ASPH: variants seen among roughly 807,000 people sequenced by gnomAD.
The protein encoded by ASPH is aspartate beta-hydroxylase.
In ASPH, 100 loss-of-function variants were observed where a neutral mutation model predicts 118.4. That is an observed-to-expected ratio of 0.84 (90% CI 0.72 to 1.00). The LOEUF is 1.00. ASPH is among the 50% of genes least tolerant of loss of function. The pLI is 0.00. For synonymous variants in ASPH, 315 were observed against 325.6 expected (o/e 0.97, Z 0.35); for missense variants, 920 against 919.5 (o/e 1.00, Z -0.01).
rs1248317915 is a variant in ASPH at position 61,646,758 on chromosome 8, G to A, written c.611C>T (p.Ser204Phe). Reference protein sequence around the residue: ...DRFETLEPEVSHEETEHSYHV... With the variant: ...DRFETLEPEVFHEETEHSYHV... ...AAAAAAAAGTGTTCTACCTTCATGA[G>A]ATACTTCAGGTTCCAGGGTCTCAAA... is the stretch of plus-strand genomic sequence containing the variant. The change falls in exon 6 of 25, where the codon TCT (serine) becomes TTT (phenylalanine). Residue 204 changes from serine (S) to phenylalanine (F), a missense_variant. Physicochemically the swap from Ser to Phe is radical, Grantham distance 155. Transcript: ENST00000379454. 3 of 1,612,692 alleles carry A rather than the reference G, an allele frequency of 1.9e-6. No homozygotes were observed. The highest frequency in any genetic ancestry group is 3.3e-5 in the Admixed American group (2 of 59,892).
intron 14 of ASPH, among the ~76,000 whole-genome samples, chr8:61,586,574 G>A (rs972325460): frequency 6.6e-6 from 1 of 152,076 alleles, no homozygotes; most frequent in Non-Finnish European, 1.5e-5. Flanking sequence ...TGCGCCAGTC[G>A]CCCGGCCACA....
chr8:61,599,895 T>C (rs1273451900), intron 14 of ASPH, among the ~76,000 whole-genome samples: 1 of 152,226 alleles, frequency 6.6e-6, no homozygotes, highest in Non-Finnish European at 1.5e-5. Context: ...GAATTCTTCC[T>C]AGCTCATTCT....
At chr8:61,564,253 C>T (rs977365852) in intron 17 of ASPH, among the ~76,000 whole-genome samples, 2 of 151,240 alleles carry the variant, frequency 1.3e-5, no homozygotes, top group African/African-American at 4.9e-5. Context: ...TAAGCAGAGC[C>T]ATAGTGGAGA....
At chr8:61,649,408 T>C (rs1223171889) in intron 5 of ASPH, among the ~76,000 whole-genome samples, 1 of 151,956 alleles carries the variant, frequency 6.6e-6, no homozygotes, top group Non-Finnish European at 1.5e-5. Context: ...TCTTTAAGTC[T>C]GAAACACCCA....
At chr8:61,595,374 T>A (rs1241003638) in intron 14 of ASPH, among the ~76,000 whole-genome samples, 1 of 152,180 alleles carries the variant, frequency 6.6e-6, no homozygotes, top group Non-Finnish European at 1.5e-5. Flanking sequence ...CATGTTTCAA[T>A]GGGAGGTTTC....
intron 9 of ASPH, 52 bp downstream of exon 9, chr8:61,643,334 T>A: frequency 6.5e-7 from 1 of 1,548,806 alleles, no homozygotes; most frequent in East Asian, 2.3e-5. Context: ...CAGCATGTGA[T>A]TGAAAAATCT....
chr8:61,550,809 G>A (rs1255227581), intron 20 of ASPH, among the ~76,000 whole-genome samples: 2 of 152,204 alleles, frequency 1.3e-5, no homozygotes, highest in Non-Finnish European at 2.9e-5. Context: ...CATTGAGGAC[G>A]CAGTTGACAA....
chr8:61,682,667 G>A (rs1828705582), intron 2 of ASPH, among the ~76,000 whole-genome samples: 1 of 152,060 alleles, frequency 6.6e-6, no homozygotes, highest in Non-Finnish European at 1.5e-5. Context: ...TCTATCCAGA[G>A]ACACTTTCTT....
rs377373085 is a variant in ASPH at position 61,646,881 on chromosome 8, A to G, written c.491-3T>C. ...TTGTTGCAAGTCTTCTCCCTCAACT[A>G]TGACAATGAACAAAGTGACACTGGC... On this transcript the variant is annotated splice_polypyrimidine_tract_variant and splice_region_variant and intron_variant, in intron 5 of 24. Transcript: ENST00000379454. The G allele has an allele frequency of 6.8e-6, 11 of 1,613,650 alleles. No homozygotes were observed. The African/African-American group carries it at 1.5e-4, about 22-fold the overall frequency.
At chr8:61,524,682 T>C (rs1193274765) in intron 22 of ASPH, among the ~76,000 whole-genome samples, 1 of 152,224 alleles carries the variant, frequency 6.6e-6, no homozygotes, top group Non-Finnish European at 1.5e-5. Context: ...ATTGACTCCA[T>C]AATTTATTTT....
At chr8:61,630,334 G>A (rs1199708776) in intron 13 of ASPH, among the ~76,000 whole-genome samples, 1 of 152,080 alleles carries the variant, frequency 6.6e-6, no homozygotes, top group East Asian at 1.9e-4. Flanking sequence ...CAAGGAGGTA[G>A]GCCCTATAAT....
At chr8:61,676,000 A>G in intron 3 of ASPH, 1 of 1,571,914 alleles carries the variant, frequency 6.4e-7, no homozygotes, top group Non-Finnish European at 8.6e-7. Flanking sequence ...AGCCCTGCAT[A>G]AGCCAAGGAA....
chr8:61,582,790 T>C (rs1231132286), intron 15 of ASPH, among the ~76,000 whole-genome samples: 1 of 152,208 alleles, frequency 6.6e-6, no homozygotes, highest in Non-Finnish European at 1.5e-5. Flanking sequence ...TCCTTTATTA[T>C]TGCAGCCAAT....
chr8:61,548,316 A>C lies in ASPH; in HGVS notation c.1627-108T>G, dbSNP rs913511023. 2.3e-6 allele frequency: 3 copies of C among 1,310,306 alleles called. No individual in the cohort carries two copies. In the African/African-American group the frequency reaches 4.5e-5, roughly 20 times the overall value. The allele number at this position is 1,310,306 out of a possible 1,614,324, so 81.2% of individuals were successfully genotyped here. On this transcript the variant is annotated intron_variant, in intron 20 of 24. Transcript: ENST00000379454. The stretch of plus-strand genomic sequence containing the variant: ...TAAGGTATTACTTTGACACATTTAA[A>C]TAAAGAGCTTACTGCTAGGTACTCA...
intron 14 of ASPH, 52 bp downstream of exon 14, chr8:61,618,926 G>A: frequency 6.9e-7 from 1 of 1,443,790 alleles, no homozygotes; most frequent in Non-Finnish European, 9.7e-7. Flanking sequence ...ATAAAATCAT[G>A]TTATTCTTTT....
chr8:61,560,476 T>G (rs1484509491), intron 18 of ASPH, among the ~76,000 whole-genome samples: 2 of 152,144 alleles, frequency 1.3e-5, no homozygotes, highest in Non-Finnish European at 2.9e-5. Context: ...AAAATGATCT[T>G]TAACATAAAC....
chr8:61,668,651 A>C (rs1382150719), intron 3 of ASPH, among the ~76,000 whole-genome samples: 1 of 152,210 alleles, frequency 6.6e-6, no homozygotes, highest in Non-Finnish European at 1.5e-5. Context: ...CAAGGACCTT[A>C]CTTCACTACT....
chr8:61,691,909 G>A (rs72659053), intron 1 of ASPH, among the ~76,000 whole-genome samples: 12,918 of 152,198 alleles, frequency 0.085, 702 homozygotes, highest in East Asian at 0.12. Context: ...GCTGGAGCTG[G>A]TAGGGTTTCT....
At chr8:61,705,973 T>C (rs1836514562) in intron 1 of ASPH, among the ~76,000 whole-genome samples, 2 of 152,204 alleles carry the variant, frequency 1.3e-5, no homozygotes. Context: ...CAGAACTCTT[T>C]CAATTTGGAT....
Sources: allele counts gnomAD v4.1 joint callset (sites outside exome capture counted in the v4.1 genomes callset), GRCh38; gene constraint gnomAD v4.1.1; transcripts MANE v1.5; gene names NCBI Gene and HGNC (gene_info 2026-07-23, HGNC 2026-07-21).